CMTM1: variants seen among roughly 807,000 people sequenced by gnomAD.
The protein encoded by CMTM1 is CKLF like MARVEL transmembrane domain containing 1.
CMTM1 carries 16 observed loss-of-function variants against 17.8 expected under a neutral mutation model. The observed-to-expected ratio is 0.90, with a 90% CI of 0.61 to 1.37. CMTM1 has a LOEUF of 1.37. Among genes scored for constraint, CMTM1 ranks in the 40% most tolerant of loss-of-function variants. The probability of loss-of-function intolerance (pLI) is 0.00; values close to 1 mark genes in which losing one functional copy is unlikely to be tolerated. For missense variants in CMTM1, 354 were observed against 375.6 expected (o/e 0.94, Z 0.47); for synonymous variants, 169 against 154.6 (o/e 1.09, Z -0.69).
intron 3 of CMTM1, 87 bp downstream of exon 3, chr16:66,577,289 C>A: frequency 1.8e-6 from 2 of 1,087,836 alleles, no homozygotes; most frequent in South Asian, 1.5e-5. Context: ...ATATCATTAA[C>A]CAAGCAAAAT....
intron 2 of CMTM1, among the ~76,000 whole-genome samples, chr16:66,572,794 A>AT (rs1249981747): frequency 6.6e-6 from 1 of 152,190 alleles, no homozygotes; most frequent in Non-Finnish European, 1.5e-5. Flanking sequence ...TTTCTAACTT[A>AT]AAGGCTCATA....
intron 2 of CMTM1, among the ~76,000 whole-genome samples, chr16:66,576,636 GAGA>G (rs887751058): frequency 1.3e-5 from 2 of 152,154 alleles, no homozygotes; most frequent in Non-Finnish European, 2.9e-5. Context: ...GCAGATTTGG[GAGA>G]AGAAGTAAAC....
At chr16:66,570,359 A>AT (rs577856279) in intron 2 of CMTM1, among the ~76,000 whole-genome samples, 144 of 152,280 alleles carry the variant, frequency 9.5e-4, no homozygotes, top group Middle Eastern at 6.8e-3. Context: ...GTCCTAAAAA[A>AT]ATATATATAC....
chr16:66,576,937 A>T (rs766118876), intron 2 of CMTM1, among the ~76,000 whole-genome samples, 167 bp from the exon 3 acceptor site: 29 of 152,218 alleles, frequency 1.9e-4, no homozygotes, highest in Admixed American at 5.2e-4. Context: ...ACATAAACTC[A>T]TGTCTCTGGA....
At chr16:66,570,181 C>G in intron 2 of CMTM1, 87 bp downstream of exon 2, 1 of 1,061,386 alleles carries the variant, frequency 9.4e-7, no homozygotes, top group South Asian at 1.6e-5. Context: ...AACAACGGAG[C>G]TATCTCTCTA....
intron 1 of CMTM1, chr16:66,567,239 T>C: frequency 2.1e-6 from 1 of 474,466 alleles, no homozygotes; most frequent in South Asian, 2.2e-5. Flanking sequence ...ATACGCGCCA[T>C]GGTGGTTTGC....
Position 66,578,942 on chromosome 16 carries a change from TC to T in CMTM1, c.807del (p.Ala270ProfsTer24), listed in dbSNP as rs1567380973. 6.2e-7 allele frequency: 1 copy of T among 1,613,794 alleles called. No individual in the cohort carries two copies. The highest frequency in any genetic ancestry group is 8.5e-7 in the Non-Finnish European group (1 of 1,179,948). On this transcript the variant is annotated frameshift_variant, in exon 4 of 4. Coordinates refer to ENST00000379500, the MANE Select transcript of CMTM1 (RefSeq NM_052999.4). LOFTEE classifies it low-confidence loss of function (END_TRUNC). ...GGGAGTCGAAGTTGAAAGGAAGCTT[TC>T]CCCCGCCAAGGACGCCTACCCCGAA... ...FLGVEVERKL[S>X]PAKDAYPETG...
intron 2 of CMTM1, chr16:66,571,281 C>T: frequency 6.9e-6 from 3 of 437,536 alleles, no homozygotes; most frequent in Non-Finnish European, 1.4e-5. Flanking sequence ...GTAAAGTAAC[C>T]ATTTTTGAGC....
In CMTM1 at chr16:66,574,255, A is replaced by C. The variant is rs571608051; in HGVS notation, c.592-2849A>C. 1.7e-3 allele frequency among the ~76,000 whole-genome samples: 265 copies of C among 152,320 alleles called. 5 individuals are homozygous for C. Among genetic ancestry groups the C allele is most frequent in the Admixed American group, 0.017 (263 of 15,292 alleles). The stretch of plus-strand genomic sequence containing the variant: ...ATGAGGAAAGTGGAAGTCCTCCCAC[A>C]CATGGCCAAGCTCAGCTGCAATTTT... On this transcript the variant is annotated intron_variant, in intron 2 of 3. Coordinates refer to ENST00000379500, the MANE Select transcript of CMTM1 (RefSeq NM_052999.4).
At chr16:66,577,223 C>T in intron 3 of CMTM1, 21 bp downstream of exon 3, 1 of 1,587,924 alleles carries the variant, frequency 6.3e-7, no homozygotes, top group Non-Finnish European at 8.6e-7. Flanking sequence ...GCCTTCATGA[C>T]TCCATTTAAG....
chr16:66,570,966 C>T (rs369686293), intron 2 of CMTM1, among the ~76,000 whole-genome samples: 1 of 152,202 alleles, frequency 6.6e-6, no homozygotes, highest in Admixed American at 6.5e-5. Context: ...TTCTGTCTTG[C>T]GCTGTGAACA....
chr16:66,576,137 C>T (rs1422813880), intron 2 of CMTM1, among the ~76,000 whole-genome samples: 2 of 152,164 alleles, frequency 1.3e-5, no homozygotes, highest in African/African-American at 4.8e-5. Flanking sequence ...TGGCTCACGC[C>T]TATAATCCCA....
chr16:66,567,147 A>ATTT (rs138310333), intron 1 of CMTM1: 11 of 562,712 alleles, frequency 2.0e-5, no homozygotes, highest in South Asian at 1.7e-4. Flanking sequence ...TTTTTTCCCT[A>ATTT]TTTTTTCTTT....
intron 2 of CMTM1, among the ~76,000 whole-genome samples, chr16:66,573,935 C>G (rs1322815956): frequency 1.3e-5 from 2 of 151,896 alleles, no homozygotes; most frequent in African/African-American, 4.8e-5. Context: ...GATCCACCCA[C>G]CTCAGCCTCC....
rs182258971 is a variant in CMTM1 at position 66,573,272 on chromosome 16, C to A, written c.591+3178C>A. ...ATAAAGTTAATTTAAAATTTAAACC[C>A]ATTTTTACCAGCATAAGTCTGCATC... On this transcript the variant is annotated intron_variant, in intron 2 of 3. Coordinates refer to ENST00000379500, the MANE Select transcript of CMTM1 (RefSeq NM_052999.4). 3.3e-5 allele frequency among the ~76,000 whole-genome samples: 5 copies of A among 152,274 alleles called. No homozygotes were observed. In the East Asian group the frequency reaches 7.7e-4, roughly 23 times the overall value.
intron 2 of CMTM1, among the ~76,000 whole-genome samples, chr16:66,570,666 C>G (rs2013378171): frequency 6.6e-6 from 1 of 152,184 alleles, no homozygotes; most frequent in Non-Finnish European, 1.5e-5. Flanking sequence ...ATTGCTAAAG[C>G]TAACCCCTCA....
At chr16:66,575,148 A>T (rs531598216) in intron 2 of CMTM1, 1 of 985,460 alleles carries the variant, frequency 1.0e-6, no homozygotes, top group Non-Finnish European at 1.2e-6. Flanking sequence ...GTCACATTCC[A>T]CAAGAGGGCT....
In CMTM1 at chr16:66,566,784, C is replaced by G; in HGVS notation, c.271C>G (p.Leu91Val). Residue 91 changes from leucine to valine, a missense_variant, in exon 1 of 4, where the codon CTC (leucine) becomes GTC (valine). Leu to Val is a conservative substitution (Grantham distance 32). Coordinates refer to ENST00000379500, the MANE Select transcript of CMTM1 (RefSeq NM_052999.4). This position sits in a 1 kb window ranked among gnomAD's most constrained non-coding sequence, Gnocchi z 4.9. Reference sequence around the variant, plus strand: ...CACACGCCCACCCCCAAAGCCCACACTCCCACCCCCCACGCCCTCTGCACA... The same window carrying G: ...CACACGCCCACCCCCAAAGCCCACAGTCCCACCCCCCACGCCCTCTGCACA... ...ATTRPPPKPT[L>V]PPPTPSAHTE... 1 of 1,613,320 alleles carries G rather than the reference C, an allele frequency of 6.2e-7. No homozygotes were observed. The highest frequency in any genetic ancestry group is 8.5e-7 in the Non-Finnish European group (1 of 1,179,614).
At chr16:66,576,716 G>A (rs2014294378) in intron 2 of CMTM1, among the ~76,000 whole-genome samples, 1 of 152,134 alleles carries the variant, frequency 6.6e-6, no homozygotes, top group African/African-American at 2.4e-5. Context: ...GGAATAGAAT[G>A]CAGAATTTAC....
Sources: allele counts gnomAD v4.1 joint callset (sites outside exome capture counted in the v4.1 genomes callset), GRCh38; gene constraint gnomAD v4.1.1; non-coding constraint Gnocchi (gnomAD v3.1); transcripts MANE v1.5; gene names NCBI Gene and HGNC (gene_info 2026-07-23, HGNC 2026-07-21).